EIPR1: variants seen among roughly 807,000 people sequenced by gnomAD.
EIPR1 encodes EARP and GARP complex-interacting protein 1.
Under a neutral mutation model 48.1 loss-of-function variants are expected in EIPR1, and 25 were observed. That is an observed-to-expected ratio of 0.52 (90% CI 0.38 to 0.73). The LOEUF (loss-of-function observed/expected upper bound fraction) is 0.73, where lower values mean the gene tolerates loss of function less well. Ranked by LOEUF, EIPR1 falls within the 30% of genes least tolerant of loss-of-function variation. The probability of loss-of-function intolerance (pLI) is 0.00; values close to 1 mark genes in which losing one functional copy is unlikely to be tolerated. For missense variants in EIPR1, 415 were observed against 506.2 expected, an observed-to-expected ratio of 0.82 and a Z score of 1.73; for synonymous variants, 204 against 201.9, an observed-to-expected ratio of 1.01 and a Z score of -0.09.
intron 4 of EIPR1, among the ~76,000 whole-genome samples, chr2:3,235,867 C>T (rs977962173): frequency 6.6e-6 from 1 of 152,158 alleles, no homozygotes; most frequent in African/African-American, 2.4e-5. Flanking sequence ...AAATTAGCAC[C>T]CATCACCTGA....
intron 4 of EIPR1, among the ~76,000 whole-genome samples, chr2:3,252,499 G>C (rs937524890): frequency 6.6e-6 from 1 of 152,232 alleles, no homozygotes; most frequent in African/African-American, 2.4e-5. Flanking sequence ...GCTGAGGCAA[G>C]AGAATTGCTT....
At chr2:3,343,484 T>C (rs1306279254) in intron 2 of EIPR1, among the ~76,000 whole-genome samples, 27 of 144,086 alleles carry the variant, frequency 1.9e-4, no homozygotes, top group Admixed American at 1.9e-3. Flanking sequence ...GAGCAGTACT[T>C]AAATGTTACT....
intron 1 of EIPR1, among the ~76,000 whole-genome samples, chr2:3,358,571 G>A (rs553979585): frequency 2.0e-5 from 3 of 152,282 alleles, no homozygotes; most frequent in South Asian, 2.1e-4. Context: ...AACTTCCCTG[G>A]ACAATTTTTG....
Position 3,337,025 on chromosome 2 carries a change from GGAAGGGAAAAGAAAAGA to G in EIPR1, c.259+975_259+991del, listed in dbSNP as rs1333344312. On this transcript the variant is annotated intron_variant, in intron 3 of 8. Coordinates refer to ENST00000382125, the MANE Select transcript of EIPR1 (RefSeq NM_003310.5). Reference sequence around the variant, plus strand: ...GGAAAGGGAAGGGAAAAGGGAAAAGGGAAGGGAAAAGAAAAGAGAAGGGAAAAGGGTAAAAAGAAGGG... The same window carrying G: ...GGAAAGGGAAGGGAAAAGGGAAAAGGGAAGGGAAAAGGGTAAAAAGAAGGG... 1.1e-4 allele frequency among the ~76,000 whole-genome samples: 13 copies of G among 121,750 alleles called. 2 individuals carry two copies. In the East Asian group the frequency reaches 1.2e-3, roughly 12 times the overall value. The allele number at this position is 121,750 out of a possible 152,430, so 79.9% of individuals were successfully genotyped here. A position where few individuals can be genotyped will look rare whatever the true frequency, so the allele number is the denominator to read the frequency against.
chr2:3,341,120 AC>A (rs1344346274), intron 2 of EIPR1, among the ~76,000 whole-genome samples: 1,310 of 112,512 alleles, frequency 0.012, 73 homozygotes, highest in South Asian at 0.013. Context: ...AAAAAAAAAA[AC>A]AAAACAAAAC....
chr2:3,314,042 C>T (rs1331627413), intron 3 of EIPR1, among the ~76,000 whole-genome samples: 2 of 152,180 alleles, frequency 1.3e-5, no homozygotes, highest in African/African-American at 2.4e-5. Flanking sequence ...GCTAGCTCCC[C>T]GGAGAGCACC....
chr2:3,271,072 C>T, intron 3 of EIPR1, among the ~76,000 whole-genome samples: 1 of 152,196 alleles, frequency 6.6e-6, no homozygotes, highest in Admixed American at 6.5e-5. Flanking sequence ...AAACCACTTG[C>T]TTTGCTCATC....
intron 3 of EIPR1, among the ~76,000 whole-genome samples, chr2:3,322,888 G>C (rs915073172): frequency 6.6e-6 from 1 of 152,200 alleles, no homozygotes; most frequent in Non-Finnish European, 1.5e-5. Context: ...CATCAGCACC[G>C]TCCCTCCCGC....
chr2:3,218,493 A>AGGGCCC (rs1665730473), intron 4 of EIPR1, among the ~76,000 whole-genome samples: 1 of 148,584 alleles, frequency 6.7e-6, no homozygotes. Context: ...CACACCCAGC[A>AGGGCCC]GGGCCCTGGT....
At position 3,210,627 on chromosome 2, in the gene EIPR1, C is replaced by CTTTTTTTTTTT. The variant is rs56963007; in HGVS notation, c.516+3511_516+3521dup. ...TCTTCTCACTGTTTACCTCCCAATT[C>CTTTTTTTTTTT]TTTTTTTTTTTTTTTTTTTTTGAGA... On this transcript the variant is annotated intron_variant, in intron 5 of 8. Coordinates refer to ENST00000382125, the MANE Select transcript of EIPR1 (RefSeq NM_003310.5). Among the ~76,000 whole-genome samples the CTTTTTTTTTTT allele has an allele frequency of 3.4e-5, 4 of 118,418 alleles. 2 individuals carry two copies. The allele number at this position is 118,418 out of a possible 152,430, so 77.7% of individuals were successfully genotyped here.
chr2:3,277,141 A>T (rs866927184), intron 3 of EIPR1, among the ~76,000 whole-genome samples: 5 of 152,268 alleles, frequency 3.3e-5, no homozygotes, highest in Middle Eastern at 3.4e-3. Flanking sequence ...ACAAAGTGCA[A>T]TGTTGGGGGA....
At position 3,208,772 on chromosome 2, in the gene EIPR1, T is replaced by C. The variant is rs1665328257; in HGVS notation, c.516+5377A>G. The C allele has an allele frequency of 1.9e-6, 3 of 1,548,334 alleles. No homozygotes were observed. The African/African-American group carries it at 4.1e-5, about 21-fold the overall frequency. Reference sequence around the variant, plus strand: ...GTGAGTGAGGCCCGTGGCGAGTCCTTCTTCCTTGAGTGAGGCTCGTGGCAG... The same window carrying C: ...GTGAGTGAGGCCCGTGGCGAGTCCTCCTTCCTTGAGTGAGGCTCGTGGCAG... On this transcript the variant is annotated intron_variant, in intron 5 of 8. Coordinates refer to ENST00000382125, the MANE Select transcript of EIPR1 (RefSeq NM_003310.5).
intron 6 of EIPR1, 37 bp downstream of exon 6, chr2:3,196,844 A>G (rs1664825744): frequency 6.2e-7 from 1 of 1,608,174 alleles, no homozygotes; most frequent in South Asian, 1.1e-5. Context: ...GTGAGGGAGG[A>G]AAGGAAGTGG....
chr2:3,245,594 C>A (rs375859427), intron 4 of EIPR1, among the ~76,000 whole-genome samples: 2 of 152,230 alleles, frequency 1.3e-5, no homozygotes, highest in African/African-American at 4.8e-5. Flanking sequence ...ACAAGTTGTT[C>A]TTTTCCTGCA....
At chr2:3,287,278 AC>A (rs879785441) in intron 3 of EIPR1, among the ~76,000 whole-genome samples, 40,350 of 128,040 alleles carry the variant, frequency 0.32, 5,654 homozygotes, top group African/African-American at 0.34. Context: ...CATTCACCAC[AC>A]TCCAGAAAGC....
At chr2:3,263,734 G>A (rs544881350) in intron 3 of EIPR1, among the ~76,000 whole-genome samples, 69 of 152,318 alleles carry the variant, frequency 4.5e-4, no homozygotes, top group South Asian at 2.1e-3. Context: ...GCACGGTGCC[G>A]GACCCAGCTC....
rs904349638 is a variant in EIPR1 at position 3,239,132 on chromosome 2, G to T, written c.416+18167C>A. Among the ~76,000 whole-genome samples, 3 of 152,348 alleles carry T rather than the reference G, an allele frequency of 2.0e-5. No homozygotes were observed. In the South Asian group the frequency reaches 6.2e-4, roughly 32 times the overall value. ...CCGCCTGCACAGCAGACCCCACCCG[G>T]CCACTGGGAGAGTCTGAGAGTGGAT... On this transcript the variant is annotated intron_variant, in intron 4 of 8. Coordinates refer to ENST00000382125, the MANE Select transcript of EIPR1 (RefSeq NM_003310.5).
chr2:3,270,262 C>T (rs577984793), intron 3 of EIPR1, among the ~76,000 whole-genome samples: 10 of 152,222 alleles, frequency 6.6e-5, no homozygotes, highest in Non-Finnish European at 1.3e-4. Flanking sequence ...TGCAGGGTCT[C>T]AGTTCCAAAG....
In EIPR1 at chr2:3,189,992, G is replaced by A. The variant is rs1196975239; in HGVS notation, c.990-484C>T. ...GTAGGAGTCAGAGGCTGGGGCACAAGGAGCCTTGCTAGGATGGGAGTGGGG... is the reference window on the plus strand; with the variant it reads ...GTAGGAGTCAGAGGCTGGGGCACAAAGAGCCTTGCTAGGATGGGAGTGGGG... On this transcript the variant is annotated intron_variant, in intron 8 of 8. Transcript: ENST00000382125. This position sits in a 1 kb window ranked among gnomAD's most constrained non-coding sequence, Gnocchi z 4.6. Among the ~76,000 whole-genome samples the A allele has an allele frequency of 2.6e-5, 4 of 152,102 alleles. No homozygotes were observed. Among genetic ancestry groups the A allele is most frequent in the Admixed American group, 2.6e-4 (4 of 15,282 alleles).
Sources: gnomAD v4.1 joint callset for allele counts (sites outside exome capture counted in the v4.1 genomes callset) on GRCh38, gnomAD v4.1.1 for gene constraint, Gnocchi (gnomAD v3.1) non-coding constraint, MANE v1.5 for transcripts, NCBI Gene and HGNC (gene_info 2026-07-23, HGNC 2026-07-21) for gene names.